KAZN: variants seen among roughly 807,000 people sequenced by gnomAD.
KAZN encodes kazrin, periplakin interacting protein.
KAZN carries 40 observed loss-of-function variants against 87.4 expected under a neutral mutation model. The ratio of observed to expected loss-of-function variants is 0.46; its 90% CI spans 0.36 to 0.60. The LOEUF (loss-of-function observed/expected upper bound fraction) is 0.60. KAZN is among the 20% of genes least tolerant of loss of function. The probability of loss-of-function intolerance (pLI) is 0.00; values close to 1 mark genes in which losing one functional copy is unlikely to be tolerated. For synonymous variants in KAZN, 466 were observed against 458.3 expected (o/e 1.02, Z -0.22); for missense variants, 898 against 1,073.9 (o/e 0.84, Z 2.29).
intron 14 of KAZN, chr1:15,112,810 G>A: frequency 3.0e-6 from 1 of 338,890 alleles, no homozygotes; most frequent in Non-Finnish European, 5.5e-6. Context: ...AATCACCTGG[G>A]GCTATTACTG....
chr1:14,821,548 G>C (rs1228025158), intron 1 of KAZN, among the ~76,000 whole-genome samples: 1 of 151,440 alleles, frequency 6.6e-6, no homozygotes, highest in Non-Finnish European at 1.5e-5. Context: ...ACAGTAAAAT[G>C]AGGTAACTAG....
intron 2 of KAZN, among the ~76,000 whole-genome samples, chr1:14,224,197 T>A (rs1647180055): frequency 6.6e-6 from 1 of 152,102 alleles, no homozygotes; most frequent in African/African-American, 2.4e-5. Context: ...ATGCCCAGGA[T>A]GCACATGAGA....
chr1:14,735,753 G>A lies in KAZN; in HGVS notation c.226+136530G>A, dbSNP rs985565259. Among the ~76,000 whole-genome samples the A allele has an allele frequency of 4.6e-5, 7 of 152,222 alleles. No homozygotes were observed. The highest frequency in any genetic ancestry group is 2.1e-4 in the South Asian group (1 of 4,832). On this transcript the variant is annotated intron_variant, in intron 1 of 14. Transcript: ENST00000376030. The surrounding 1 kb of genome is among the most constrained non-coding windows in gnomAD (Gnocchi z 4.3). The stretch of plus-strand genomic sequence containing the variant: ...TAATAGCCACTCTTGCACGGCAAAG[G>A]AGAAATGTCCACGATAGTCCAAGAA...
chr1:14,496,258 G>T (rs1181661870), intron 2 of KAZN, among the ~76,000 whole-genome samples: 1 of 152,146 alleles, frequency 6.6e-6, no homozygotes, highest in Admixed American at 6.5e-5. Context: ...CAAGGAAAAA[G>T]CCTCTGAATC....
intron 1 of KAZN, among the ~76,000 whole-genome samples, chr1:13,955,237 T>C (rs1266324500): frequency 1.3e-5 from 2 of 152,208 alleles, no homozygotes; most frequent in Non-Finnish European, 2.9e-5. Context: ...ACCACAGTTA[T>C]ATAAGCTATT....
chr1:14,857,291 G>A (rs1318435588), intron 1 of KAZN, among the ~76,000 whole-genome samples: 1 of 152,184 alleles, frequency 6.6e-6, no homozygotes, highest in Admixed American at 6.5e-5. Flanking sequence ...TTGGGAGGCT[G>A]AGGTGGGAGG....
chr1:14,251,643 CTTTTTTTTTTTTTTT>C (rs549092023), intron 2 of KAZN, among the ~76,000 whole-genome samples: 9 of 90,370 alleles, frequency 1.0e-4, no homozygotes, highest in Admixed American at 5.1e-4. Flanking sequence ...TTCTCCCGGA[CTTTTTTTTTTTTTTT>C]TTTTTTTTTT....
chr1:14,723,632 C>A (rs148664472), intron 1 of KAZN, among the ~76,000 whole-genome samples: 1 of 152,338 alleles, frequency 6.6e-6, no homozygotes, highest in East Asian at 1.9e-4. Context: ...GCTCAGCATC[C>A]ATTTGCTCCC....
intron 1 of KAZN, among the ~76,000 whole-genome samples, chr1:14,832,062 G>A (rs748294996): frequency 3.9e-5 from 6 of 152,104 alleles, no homozygotes; most frequent in Non-Finnish European, 2.9e-5. Flanking sequence ...CAGGCATGGT[G>A]GCAGGCACCT....
At chr1:14,904,545 A>T (rs560762385) in intron 1 of KAZN, among the ~76,000 whole-genome samples, 2 of 152,282 alleles carry the variant, frequency 1.3e-5, no homozygotes, top group South Asian at 4.1e-4. Flanking sequence ...GCCACTGCAG[A>T]TGTCTGCACG....
At chr1:14,442,177 A>G (rs575562903) in intron 2 of KAZN, among the ~76,000 whole-genome samples, 1 of 152,360 alleles carries the variant, frequency 6.6e-6, no homozygotes, top group South Asian at 2.1e-4. Flanking sequence ...AGAAAAGATG[A>G]TGATTTAGAA....
intron 2 of KAZN, among the ~76,000 whole-genome samples, chr1:14,997,988 C>T (rs1027527407): frequency 6.6e-6 from 1 of 152,180 alleles, no homozygotes; most frequent in Admixed American, 6.5e-5. Context: ...AAGCACTCAA[C>T]GAGTCACTGT....
Position 14,553,633 on chromosome 1 carries a change from G to A in KAZN, c.250-45350G>A, listed in dbSNP as rs375890061. On this transcript the variant is annotated intron_variant, in intron 2 of 16. Coordinates refer to the KAZN transcript ENST00000636203. ...AAGGTGCCCCCTTGCTGCTCAGTGC[G>A]TGAGCTTATCTGGGCTGTCAATTAT... Among the ~76,000 whole-genome samples, 7 of 152,188 alleles carry A rather than the reference G, an allele frequency of 4.6e-5. No homozygotes were observed. In the South Asian group the frequency reaches 6.2e-4, roughly 14 times the overall value.
chr1:14,042,116 T>C (rs1399138660), intron 1 of KAZN, among the ~76,000 whole-genome samples: 1 of 152,186 alleles, frequency 6.6e-6, no homozygotes, highest in Admixed American at 6.5e-5. Flanking sequence ...GTTCTCTCTC[T>C]CTGGAAATCT....
chr1:14,014,145 A>G (rs72640584), intron 1 of KAZN, among the ~76,000 whole-genome samples: 4,628 of 151,950 alleles, frequency 0.03, 98 homozygotes, highest in Non-Finnish European at 0.047. Context: ...TTTTTTCGCT[A>G]TACCACAATA....
chr1:14,408,909 A>AG (rs543825090), intron 2 of KAZN, among the ~76,000 whole-genome samples: 107 of 151,074 alleles, frequency 7.1e-4, no homozygotes, highest in Admixed American at 1.5e-3. Flanking sequence ...AGAATAATGG[A>AG]GGGGGGGCGT....
At chr1:14,745,546 C>T (rs1204933117) in intron 1 of KAZN, among the ~76,000 whole-genome samples, 1 of 152,000 alleles carries the variant, frequency 6.6e-6, no homozygotes, top group African/African-American at 2.4e-5. Context: ...TAAATCTCGC[C>T]ATTGAGTGAG....
At chr1:14,743,588 G>A (rs763699443) in intron 1 of KAZN, among the ~76,000 whole-genome samples, 1 of 152,128 alleles carries the variant, frequency 6.6e-6, no homozygotes. Flanking sequence ...TCCCAGACAT[G>A]ATGAGTCATA....
At chr1:14,042,541 T>G (rs1641883238) in intron 1 of KAZN, among the ~76,000 whole-genome samples, 1 of 152,244 alleles carries the variant, frequency 6.6e-6, no homozygotes, top group South Asian at 2.1e-4. Flanking sequence ...AAATTTAACT[T>G]TCTTCTGCTC....
Sources: gnomAD v4.1 joint callset for allele counts (sites outside exome capture counted in the v4.1 genomes callset) on GRCh38, gnomAD v4.1.1 for gene constraint, Gnocchi (gnomAD v3.1) non-coding constraint, MANE v1.5 for transcripts, NCBI Gene and HGNC (gene_info 2026-07-23, HGNC 2026-07-21) for gene names.